Variants in ARHGAP15 observed in about 807,000 individuals in gnomAD.
ARHGAP15 encodes rho GTPase-activating protein 15.
Under a neutral mutation model 63.7 loss-of-function variants are expected in ARHGAP15, and 51 were observed. The observed-to-expected ratio is 0.80, with a 90% CI of 0.64 to 1.01. The LOEUF (loss-of-function observed/expected upper bound fraction) is 1.01. ARHGAP15 is among the 50% of genes least tolerant of loss of function. The pLI is 0.00. For missense variants in ARHGAP15, 560 were observed against 564.6 expected (o/e 0.99, Z 0.08); for synonymous variants, 191 against 193.8 (o/e 0.99, Z 0.12).
At chr2:143,653,417 A>G (rs569021267) in intron 12 of ARHGAP15, among the ~76,000 whole-genome samples, 14 of 152,110 alleles carry the variant, frequency 9.2e-5, no homozygotes, top group Non-Finnish European at 1.5e-4. Flanking sequence ...CAATTTTGTG[A>G]AAAAATTTTA....
Position 143,141,862 on chromosome 2 carries a change from G to A in ARHGAP15, c.-15+12396G>A, listed in dbSNP as rs575158232. Among the ~76,000 whole-genome samples, 14 of 152,092 alleles carry A rather than the reference G, an allele frequency of 9.2e-5. No individual in the cohort carries two copies. The South Asian group carries it at 1.9e-3, about 20-fold the overall frequency. The stretch of plus-strand genomic sequence containing the variant: ...TCAGAGGAGCAATGTTCCTAGGGGT[G>A]ATTGACACTACGAGCCACAGTCGGG... On this transcript the variant is annotated intron_variant, in intron 1 of 13. Transcript: ENST00000295095.
chr2:143,667,573 A>T (rs551022785), intron 12 of ARHGAP15, among the ~76,000 whole-genome samples: 22 of 87,186 alleles, frequency 2.5e-4, no homozygotes, highest in East Asian at 1.7e-3. Flanking sequence ...AGTATAATTT[A>T]AAAAAAATTA....
At chr2:143,395,173 A>G (rs903709210) in intron 6 of ARHGAP15, among the ~76,000 whole-genome samples, 1 of 152,196 alleles carries the variant, frequency 6.6e-6, no homozygotes, top group Admixed American at 6.5e-5. Flanking sequence ...ATTGAGGAAC[A>G]GTCATTACTA....
chr2:143,761,433 C>T (rs920458926), intron 13 of ARHGAP15, among the ~76,000 whole-genome samples: 8 of 152,184 alleles, frequency 5.3e-5, no homozygotes, highest in Non-Finnish European at 8.8e-5. Context: ...ACCTTCATAA[C>T]TGGAGAGTTG....
chr2:143,367,816 T>A (rs1268835931), intron 6 of ARHGAP15, among the ~76,000 whole-genome samples: 1 of 152,050 alleles, frequency 6.6e-6, no homozygotes, highest in South Asian at 2.1e-4. Context: ...AAAAATAGGT[T>A]TGGATTCATT....
intron 8 of ARHGAP15, among the ~76,000 whole-genome samples, chr2:143,459,797 T>G (rs944592195): frequency 2.0e-5 from 3 of 152,166 alleles, no homozygotes; most frequent in African/African-American, 7.2e-5. Context: ...AAAATCATGG[T>G]GTATCCCTAT....
At chr2:143,519,424 T>C in intron 10 of ARHGAP15, 60 bp downstream of exon 10, 1 of 1,396,630 alleles carries the variant, frequency 7.2e-7, no homozygotes. Context: ...CAACCAATAC[T>C]CAAGTTAGCA....
intron 6 of ARHGAP15, among the ~76,000 whole-genome samples, chr2:143,409,139 G>A (rs754870426): frequency 2.8e-4 from 43 of 151,850 alleles, no homozygotes; most frequent in Non-Finnish European, 1.8e-4. Flanking sequence ...GTGCCACCAT[G>A]TTAAGCAATT....
chr2:143,173,090 C>A (rs1317913763), intron 2 of ARHGAP15, among the ~76,000 whole-genome samples: 1 of 151,938 alleles, frequency 6.6e-6, no homozygotes, highest in Non-Finnish European at 1.5e-5. Flanking sequence ...TATACATACA[C>A]ACAAACACTT....
rs1687377410 is a variant in ARHGAP15, at chr2:143,388,120, A to C, written c.475-47481A>C. Among the ~76,000 whole-genome samples, 4 of 152,318 alleles carry C rather than the reference A, an allele frequency of 2.6e-5. No individual in the cohort carries two copies. The South Asian group carries it at 8.3e-4, about 32-fold the overall frequency. On this transcript the variant is annotated intron_variant, in intron 6 of 13. Transcript: ENST00000295095. ...CTATGTTACTGTGCACCTGACAGTT[A>C]AGTGAGGTACTTAAAAAGAAAACTA... is the stretch of plus-strand genomic sequence containing the variant.
chr2:143,360,093 CAGA>C (rs894485758), intron 6 of ARHGAP15, among the ~76,000 whole-genome samples: 14 of 151,994 alleles, frequency 9.2e-5, no homozygotes, highest in African/African-American at 3.4e-4. Context: ...AATCACATTT[CAGA>C]AGGCCAGACT....
intron 12 of ARHGAP15, among the ~76,000 whole-genome samples, chr2:143,669,478 C>CA (rs1373335716): frequency 7.2e-5 from 11 of 152,142 alleles, no homozygotes; most frequent in Non-Finnish European, 1.5e-5. Flanking sequence ...CTAAACCTCC[C>CA]ATGTTATGGC....
Position 143,384,790 on chromosome 2 carries a change from TTCTGCC to T in ARHGAP15, c.475-50800_475-50795del, listed in dbSNP as rs1013120156. On this transcript the variant is annotated intron_variant, in intron 6 of 13. Transcript: ENST00000295095. ...GAAGGCTCCTTGAAAGGCCATCTATTTCTGCCTCTGCCTCTGAGAAAAATTAATCCT... is the reference window on the plus strand; with the variant it reads ...GAAGGCTCCTTGAAAGGCCATCTATTTCTGCCTCTGAGAAAAATTAATCCT... Among the ~76,000 whole-genome samples, 15 of 152,304 alleles carry T rather than the reference TTCTGCC, an allele frequency of 9.8e-5. 1 individual carries two copies. The East Asian group carries it at 2.7e-3, about 27-fold the overall frequency.
chr2:143,143,902 C>T (rs1370502233), intron 1 of ARHGAP15, among the ~76,000 whole-genome samples: 1 of 151,920 alleles, frequency 6.6e-6, no homozygotes, highest in Admixed American at 6.6e-5. Context: ...TTTTCCTTAT[C>T]CTCTCCCTCT....
chr2:143,338,007 A>G (rs1031116777), intron 6 of ARHGAP15, among the ~76,000 whole-genome samples: 1 of 152,188 alleles, frequency 6.6e-6, no homozygotes, highest in Non-Finnish European at 1.5e-5. Flanking sequence ...TGTACCTTTA[A>G]TGTGTCTAGT....
intron 6 of ARHGAP15, among the ~76,000 whole-genome samples, chr2:143,291,896 T>C (rs972265496): frequency 2.6e-5 from 4 of 152,082 alleles, no homozygotes; most frequent in African/African-American, 9.7e-5. Flanking sequence ...ACCCAGACAC[T>C]GGAGAAATTT....
At chr2:143,340,739 G>A (rs1685023112) in intron 6 of ARHGAP15, among the ~76,000 whole-genome samples, 1 of 151,926 alleles carries the variant, frequency 6.6e-6, no homozygotes, top group African/African-American at 2.4e-5. Flanking sequence ...AGGCAACTTT[G>A]GTGGCAAGAT....
chr2:143,622,321 A>G (rs544911978), intron 11 of ARHGAP15, among the ~76,000 whole-genome samples: 58 of 152,116 alleles, frequency 3.8e-4, no homozygotes, highest in Non-Finnish European at 6.8e-4. Context: ...AATCAGGAGT[A>G]AAACCAATTT....
At chr2:143,468,990 A>G (rs1358637250) in intron 8 of ARHGAP15, among the ~76,000 whole-genome samples, 1 of 152,158 alleles carries the variant, frequency 6.6e-6, no homozygotes, top group African/African-American at 2.4e-5. Context: ...AGCCTTTCCT[A>G]TATTAAAAAA....
Sources: allele counts gnomAD v4.1 joint callset (sites outside exome capture counted in the v4.1 genomes callset), GRCh38; gene constraint gnomAD v4.1.1; transcripts MANE v1.5; gene names NCBI Gene and HGNC (gene_info 2026-07-23, HGNC 2026-07-21).